Variants in ARHGAP15 observed in about 807,000 individuals in gnomAD.
ARHGAP15 encodes rho GTPase-activating protein 15.
Under a neutral mutation model 63.7 loss-of-function variants are expected in ARHGAP15, and 51 were observed. The observed-to-expected ratio is 0.80, with a 90% CI of 0.64 to 1.01. The LOEUF is 1.01. Among genes scored for constraint, ARHGAP15 ranks in the 50% least tolerant of loss-of-function variants. ARHGAP15 has a pLI of 0.00. For synonymous variants in ARHGAP15, 191 were observed against 193.8 expected (o/e 0.99, Z 0.12); for missense variants, 560 against 564.6 (o/e 0.99, Z 0.08).
intron 6 of ARHGAP15, among the ~76,000 whole-genome samples, chr2:143,408,474 A>G (rs925244130): frequency 6.6e-6 from 1 of 151,802 alleles, no homozygotes; most frequent in Admixed American, 6.6e-5. Flanking sequence ...ATGTTATGAA[A>G]TATTACAAAT....
intron 9 of ARHGAP15, among the ~76,000 whole-genome samples, chr2:143,500,849 T>C (rs1693024157): frequency 6.6e-6 from 1 of 152,180 alleles, no homozygotes; most frequent in African/African-American, 2.4e-5. Context: ...AGAGAGAAAT[T>C]TCATTCTCTT....
chr2:143,585,914 A>C (rs1430912280), intron 11 of ARHGAP15, among the ~76,000 whole-genome samples: 2 of 152,068 alleles, frequency 1.3e-5, no homozygotes, highest in Non-Finnish European at 2.9e-5. Context: ...CCTTGCTGTA[A>C]TTTTGTGTTT....
chr2:143,549,640 G>T (rs1159601398), intron 10 of ARHGAP15, among the ~76,000 whole-genome samples: 1 of 152,194 alleles, frequency 6.6e-6, no homozygotes, highest in Non-Finnish European at 1.5e-5. Context: ...CCTACAGCAG[G>T]TGCTTGAGCC....
chr2:143,462,933 A>G (rs1291041716), intron 8 of ARHGAP15, among the ~76,000 whole-genome samples: 1 of 152,152 alleles, frequency 6.6e-6, no homozygotes, highest in Non-Finnish European at 1.5e-5. Context: ...GGCAGAGGCT[A>G]TTTGGGGTCT....
chr2:143,470,626 CAT>C (rs1249715471), intron 8 of ARHGAP15, among the ~76,000 whole-genome samples: 3 of 145,422 alleles, frequency 2.1e-5, no homozygotes, highest in Non-Finnish European at 4.5e-5. Flanking sequence ...TATATATATA[CAT>C]ATGTGTGTAT....
At chr2:143,744,721 C>T (rs1034709818) in intron 13 of ARHGAP15, among the ~76,000 whole-genome samples, 6 of 152,182 alleles carry the variant, frequency 3.9e-5, no homozygotes, top group Admixed American at 3.3e-4. Flanking sequence ...AACATTAGTA[C>T]ATCTTTTTAA....
At chr2:143,293,642 A>C (rs868322584) in intron 6 of ARHGAP15, among the ~76,000 whole-genome samples, 1 of 152,154 alleles carries the variant, frequency 6.6e-6, no homozygotes, top group Non-Finnish European at 1.5e-5. Context: ...AATGATGCAC[A>C]ATTTACTAAG....
chr2:143,396,152 G>A (rs1363751170), intron 6 of ARHGAP15, among the ~76,000 whole-genome samples: 2 of 152,052 alleles, frequency 1.3e-5, no homozygotes, highest in African/African-American at 4.8e-5. Flanking sequence ...CTTTACTGAT[G>A]TTCTCATCAA....
chr2:143,634,658 C>T (rs912008156), intron 12 of ARHGAP15, among the ~76,000 whole-genome samples: 5 of 152,126 alleles, frequency 3.3e-5, no homozygotes, highest in Non-Finnish European at 5.9e-5. Flanking sequence ...TGTCTTAAAG[C>T]GGCCATCTTC....
intron 8 of ARHGAP15, among the ~76,000 whole-genome samples, chr2:143,479,339 G>GTT (rs79266101): frequency 2.1e-5 from 3 of 144,326 alleles, no homozygotes; most frequent in African/African-American, 2.5e-5. Context: ...TCTTTTTGGG[G>GTT]TTTTTTTTTT....
intron 12 of ARHGAP15, among the ~76,000 whole-genome samples, chr2:143,695,714 A>G (rs1263787294): frequency 6.6e-6 from 1 of 152,098 alleles, no homozygotes; most frequent in East Asian, 1.9e-4. Flanking sequence ...CAAAAAATAC[A>G]AAAACTAGCC....
intron 6 of ARHGAP15, among the ~76,000 whole-genome samples, chr2:143,427,952 T>A (rs1465593154): frequency 4.6e-5 from 7 of 152,142 alleles, no homozygotes. Context: ...ATAAGGTTTG[T>A]CTATTGATTA....
At chr2:143,217,317 A>G (rs1692794817) in intron 4 of ARHGAP15, among the ~76,000 whole-genome samples, 1 of 152,230 alleles carries the variant, frequency 6.6e-6, no homozygotes, top group African/African-American at 2.4e-5. Flanking sequence ...ATGAATTAAT[A>G]TATTTATTTA....
intron 2 of ARHGAP15, among the ~76,000 whole-genome samples, chr2:143,172,478 A>C (rs1348395359): frequency 6.6e-6 from 1 of 152,126 alleles, no homozygotes; most frequent in Non-Finnish European, 1.5e-5. Flanking sequence ...GACACTATTA[A>C]GGAGCCTGTC....
intron 1 of ARHGAP15, among the ~76,000 whole-genome samples, chr2:143,140,382 T>A (rs959850140): frequency 1.7e-4 from 26 of 152,118 alleles, no homozygotes; most frequent in Non-Finnish European, 3.2e-4. Context: ...TTAATATTTA[T>A]CACATAAAAC....
At chr2:143,571,481 G>T (rs1696451180) in intron 11 of ARHGAP15, among the ~76,000 whole-genome samples, 1 of 152,190 alleles carries the variant, frequency 6.6e-6, no homozygotes, top group South Asian at 2.1e-4. Flanking sequence ...TCTTCATTCA[G>T]CTGAGATTTG....
intron 6 of ARHGAP15, among the ~76,000 whole-genome samples, chr2:143,434,032 G>T (rs1455479444): frequency 6.6e-6 from 1 of 151,992 alleles, no homozygotes; most frequent in Non-Finnish European, 1.5e-5. Context: ...CATTGCAATG[G>T]TGTTCAGATA....
At chr2:143,384,052 G>A (rs1190368917) in intron 6 of ARHGAP15, among the ~76,000 whole-genome samples, 5 of 152,106 alleles carry the variant, frequency 3.3e-5, no homozygotes, top group Admixed American at 2.6e-4. Flanking sequence ...AGGCTCCCGA[G>A]GGTAATTCAA....
At chr2:143,469,367 C>A (rs1240046362) in intron 8 of ARHGAP15, among the ~76,000 whole-genome samples, 2 of 152,200 alleles carry the variant, frequency 1.3e-5, no homozygotes, top group Non-Finnish European at 2.9e-5. Context: ...GCAACTTGTA[C>A]AACCTGCTCT....
Sources: gnomAD v4.1 joint callset for allele counts (sites outside exome capture counted in the v4.1 genomes callset) on GRCh38, gnomAD v4.1.1 for gene constraint, MANE v1.5 for transcripts, NCBI Gene and HGNC (gene_info 2026-07-23, HGNC 2026-07-21) for gene names.